Variants in CTNNBL1 observed in about 807,000 individuals in gnomAD.
The protein encoded by CTNNBL1 is catenin beta like 1, also known as beta-catenin-like protein 1.
CTNNBL1 carries 31 observed loss-of-function variants against 72.7 expected under a neutral mutation model. That is an observed-to-expected ratio of 0.43 (90% CI 0.32 to 0.58). The LOEUF is 0.58. Ranked by LOEUF, CTNNBL1 falls within the 20% of genes least tolerant of loss-of-function variation. The probability of loss-of-function intolerance (pLI) is 0.08; values close to 1 mark genes in which losing one functional copy is unlikely to be tolerated. For synonymous variants in CTNNBL1, 240 were observed against 267.3 expected (o/e 0.90, Z 1.00); for missense variants, 534 against 725.1 (o/e 0.74, Z 3.03).
rs57785252 is a variant in CTNNBL1 at position 37,826,310 on chromosome 20, GAA to G, written c.1214-13791_1214-13790del. 3.3e-5 allele frequency among the ~76,000 whole-genome samples: 5 copies of G among 152,328 alleles called. No individual in the cohort carries two copies. In the East Asian group the frequency reaches 9.6e-4, roughly 29 times the overall value. ...CATAATGCGCTGGAATATTCTGAAA[GAA>G]GAGAATGGAATACCATGGGAACAGT... On this transcript the variant is annotated intron_variant, in intron 11 of 15. Transcript: ENST00000361383.
chr20:37,741,381 T>A (rs1419133320), intron 3 of CTNNBL1, among the ~76,000 whole-genome samples: 4 of 152,238 alleles, frequency 2.6e-5, no homozygotes, highest in African/African-American at 9.6e-5. Context: ...AGTACTTGTA[T>A]GTGCCAGCTA....
Position 37,694,113 on chromosome 20 carries a change from G to T in CTNNBL1, c.-10G>T, listed in dbSNP as rs1324716724. 1 of 1,604,196 alleles carries T rather than the reference G, an allele frequency of 6.2e-7. No homozygotes were observed. The stretch of plus-strand genomic sequence containing the variant: ...TGCAGGGAAGTGGAGTATTTGCTGG[G>T]CCGGGTACCATGGACGTGGGCGAAC... On this transcript the variant is annotated 5_prime_UTR_variant, in exon 1 of 16. Transcript: ENST00000361383.
intron 11 of CTNNBL1, among the ~76,000 whole-genome samples, chr20:37,813,598 C>T (rs1444660870): frequency 6.6e-6 from 1 of 152,146 alleles, no homozygotes; most frequent in Non-Finnish European, 1.5e-5. Flanking sequence ...AGAAACTTGG[C>T]TCTTTAGGGG....
intron 6 of CTNNBL1, among the ~76,000 whole-genome samples, chr20:37,765,858 TCTC>T (rs2073463084): frequency 6.6e-6 from 1 of 152,160 alleles, no homozygotes; most frequent in African/African-American, 2.4e-5. Flanking sequence ...TCCTCTTCCT[TCTC>T]CTCCTTGAAT....
chr20:37,840,861 G>T (rs1483673896), intron 12 of CTNNBL1, among the ~76,000 whole-genome samples: 2 of 151,946 alleles, frequency 1.3e-5, no homozygotes, highest in African/African-American at 2.4e-5. Context: ...GATGGATCGG[G>T]CTATGGAAGC....
rs140312679 is a variant in CTNNBL1, at chr20:37,784,242, C to T, written c.1031+4907C>T. ...TTTATTTTCAGCCTATATGTGTCTT[C>T]ATAGGTGAAGTGTGTTTCTTGTAGG... On this transcript the variant is annotated intron_variant, in intron 10 of 15. Transcript: ENST00000361383. Among the ~76,000 whole-genome samples, 494 of 152,194 alleles carry T rather than the reference C, an allele frequency of 3.2e-3. 7 individuals are homozygous for T. Among genetic ancestry groups the T allele is most frequent in the African/African-American group, 0.011 (445 of 41,540 alleles).
chr20:37,783,098 A>G (rs1020429660), intron 10 of CTNNBL1, among the ~76,000 whole-genome samples: 3 of 152,140 alleles, frequency 2.0e-5, no homozygotes, highest in African/African-American at 7.2e-5. Flanking sequence ...TTTGGCAGAG[A>G]CAGGATTTCA....
chr20:37,859,418 T>C (rs1214860708), intron 13 of CTNNBL1, among the ~76,000 whole-genome samples: 1 of 151,558 alleles, frequency 6.6e-6, no homozygotes, highest in Non-Finnish European at 1.5e-5. Flanking sequence ...TCGTTGCCAC[T>C]ACCAGCCTTG....
intron 6 of CTNNBL1, among the ~76,000 whole-genome samples, chr20:37,766,609 CTG>C (rs1400501025): frequency 6.6e-6 from 1 of 152,152 alleles, no homozygotes; most frequent in Non-Finnish European, 1.5e-5. Context: ...CTGTGCATGA[CTG>C]TGGCTGAATA....
chr20:37,725,423 A>G (rs1355795536), intron 1 of CTNNBL1, among the ~76,000 whole-genome samples: 1 of 151,470 alleles, frequency 6.6e-6, no homozygotes, highest in Non-Finnish European at 1.5e-5. Flanking sequence ...CAGGCTCCCC[A>G]GTAGCTGGGA....
Position 37,740,542 on chromosome 20 carries a change from A to G in CTNNBL1, c.326+3058A>G, listed in dbSNP as rs1000435946. 2.0e-5 allele frequency among the ~76,000 whole-genome samples: 3 copies of G among 152,180 alleles called. No homozygotes were observed. In the East Asian group the frequency reaches 5.8e-4, roughly 29 times the overall value. On this transcript the variant is annotated intron_variant, in intron 3 of 15. Transcript: ENST00000361383. ...ATTGACTAGAGTGTGCTGTTTCCCT[A>G]GAAAGTCCTTTAATAGTTCTTCTCT...
intron 13 of CTNNBL1, among the ~76,000 whole-genome samples, chr20:37,851,547 CAT>C (rs1199625075): frequency 6.6e-6 from 1 of 152,136 alleles, no homozygotes; most frequent in Non-Finnish European, 1.5e-5. Context: ...GTCCATAAAA[CAT>C]AGACTTTTTC....
chr20:37,834,056 T>C (rs978524628), intron 11 of CTNNBL1, among the ~76,000 whole-genome samples: 1 of 152,222 alleles, frequency 6.6e-6, no homozygotes, highest in African/African-American at 2.4e-5. Flanking sequence ...ATATCATTTA[T>C]TCTTAGTATA....
intron 4 of CTNNBL1, among the ~76,000 whole-genome samples, chr20:37,755,970 C>A (rs993071472): frequency 1.3e-5 from 2 of 152,142 alleles, no homozygotes; most frequent in Non-Finnish European, 2.9e-5. Flanking sequence ...TTACAATTTT[C>A]TCTCCCTTTT....
chr20:37,824,366 T>G (rs2072139152), intron 11 of CTNNBL1, among the ~76,000 whole-genome samples: 1 of 152,250 alleles, frequency 6.6e-6, no homozygotes, highest in South Asian at 2.1e-4. Flanking sequence ...TCACCAATGC[T>G]TGCATTTGGC....
chr20:37,757,997 A>C (rs2073379845), intron 5 of CTNNBL1, among the ~76,000 whole-genome samples: 1 of 152,224 alleles, frequency 6.6e-6, no homozygotes, highest in African/African-American at 2.4e-5. Flanking sequence ...GCCCATGGTC[A>C]CACAGCCAGG....
At chr20:37,764,804 T>C (rs2073450726) in intron 5 of CTNNBL1, among the ~76,000 whole-genome samples, 1 of 152,166 alleles carries the variant, frequency 6.6e-6, no homozygotes, top group Admixed American at 6.5e-5. Context: ...TGTTTTGGCT[T>C]GAATGAACCG....
At chr20:37,784,522 G>C (rs767294211) in intron 10 of CTNNBL1, among the ~76,000 whole-genome samples, 27 of 152,236 alleles carry the variant, frequency 1.8e-4, no homozygotes, top group Non-Finnish European at 2.5e-4. Flanking sequence ...TTACCATGAG[G>C]CTTGCAAATA....
At chr20:37,761,991 G>T (rs1821507129) in intron 5 of CTNNBL1, among the ~76,000 whole-genome samples, 1 of 152,224 alleles carries the variant, frequency 6.6e-6, no homozygotes, top group Non-Finnish European at 1.5e-5. Flanking sequence ...GGGCTCTGTG[G>T]GCCTTGGTGA....
Sources: allele counts gnomAD v4.1 joint callset (sites outside exome capture counted in the v4.1 genomes callset), GRCh38; gene constraint gnomAD v4.1.1; transcripts MANE v1.5; gene names NCBI Gene and HGNC (gene_info 2026-07-23, HGNC 2026-07-21).